The following C11orf65 variants were observed in gnomAD, a reference collection of about 807,000 sequenced individuals.
C11orf65 encodes the protein chromosome 11 open reading frame 65, also known as protein MFI.
Under a neutral mutation model 35.3 loss-of-function variants are expected in C11orf65, and 38 were observed. The ratio of observed to expected loss-of-function variants is 1.08; its 90% CI spans 0.83 to 1.41. The LOEUF (loss-of-function observed/expected upper bound fraction) is 1.41. Among genes scored for constraint, C11orf65 ranks in the 40% most tolerant of loss-of-function variants. The pLI is 0.00. For synonymous variants in C11orf65, 105 were observed against 114.4 expected, an observed-to-expected ratio of 0.92 and a Z score of 0.53; for missense variants, 370 against 367.1, an observed-to-expected ratio of 1.01 and a Z score of -0.06.
In C11orf65 at chr11:108,321,348, A is replaced by G. The variant is rs768155385; in HGVS notation, c.641-12277T>C. The G allele has an allele frequency of 1.9e-6, 3 of 1,614,092 alleles. No homozygotes were observed. Among genetic ancestry groups the G allele is most frequent in the African/African-American group, 1.3e-5 (1 of 74,936 alleles). ...TGTAAGCGCAGCCTTGAGTCTGTGTATTCGCTCTATCCCACACTTAGCAGG... is the reference window on the plus strand; with the variant it reads ...TGTAAGCGCAGCCTTGAGTCTGTGTGTTCGCTCTATCCCACACTTAGCAGG... On this transcript the variant is annotated intron_variant, in intron 6 of 6. Transcript: ENST00000525729.
chr11:108,309,106 G>A, intron 6 of C11orf65: 1 of 1,185,278 alleles, frequency 8.4e-7, no homozygotes, highest in Non-Finnish European at 1.2e-6. Context: ...AGAAAAACGG[G>A]TAAAGACATG....
At chr11:108,325,289 A>C (rs2085544300) in intron 6 of C11orf65, 4 of 1,337,986 alleles carry the variant, frequency 3.0e-6, no homozygotes, top group Non-Finnish European at 4.2e-6. Context: ...GCTTACATGA[A>C]CTCTATGTCG....
At chr11:108,337,535 G>A (rs2086980230) in intron 2 of C11orf65, among the ~76,000 whole-genome samples, 1 of 152,064 alleles carries the variant, frequency 6.6e-6, no homozygotes. Flanking sequence ...GCAAGATTAG[G>A]GTAGAACCTG....
rs186406534 is a variant in C11orf65, at chr11:108,398,468, C to T, written c.561-5090G>A. Among the ~76,000 whole-genome samples the T allele has an allele frequency of 2.0e-3, 301 of 152,264 alleles. 2 individuals are homozygous for T. Among genetic ancestry groups the T allele is most frequent in the African/African-American group, 6.9e-3 (288 of 41,560 alleles). On this transcript the variant is annotated intron_variant, in intron 6 of 8. Transcript: ENST00000393084. ...TTTGTGATGCGGAAGATTAGAAATT[C>T]AGTTTTGGAACTGTTGAGTTTGATA...
Position 108,331,864 on chromosome 11 carries a change from G to T in C11orf65, c.300-297C>A, listed in dbSNP as rs773603597. On this transcript the variant is annotated intron_variant, in intron 3 of 3. Coordinates refer to the C11orf65 transcript ENST00000524755. ...TTTGTTTATTTGCATAAATCTAATA[G>T]TTCTTTTCTTACAGCTAATCTCTAG... 3.4e-5 allele frequency: 55 copies of T among 1,611,980 alleles called. No homozygotes were observed. The highest frequency in any genetic ancestry group is 4.4e-5 in the Non-Finnish European group (52 of 1,178,520).
At chr11:108,451,217 GTC>G (rs1309224833) in intron 2 of C11orf65, among the ~76,000 whole-genome samples, 3 of 151,886 alleles carry the variant, frequency 2.0e-5, no homozygotes, top group Admixed American at 6.6e-5. Flanking sequence ...AAGTCAAATT[GTC>G]TCTGTTTGCA....
downstream of C11orf65, chr11:108,329,171 C>A (rs863224462): frequency 1.9e-6 from 3 of 1,613,898 alleles, no homozygotes; most frequent in African/African-American, 4.0e-5. Flanking sequence ...TGAAAACAAG[C>A]AAGCTCTCCT....
chr11:108,333,770 G>A, intron 3 of C11orf65: 2 of 859,780 alleles, frequency 2.3e-6, no homozygotes, highest in East Asian at 2.4e-5. Flanking sequence ...CTCAATCAGA[G>A]CCTGAACCAC....
At chr11:108,456,131 G>C (rs1258603537) in intron 2 of C11orf65, among the ~76,000 whole-genome samples, 5 of 152,142 alleles carry the variant, frequency 3.3e-5, no homozygotes, top group Non-Finnish European at 7.3e-5. Flanking sequence ...CTCCAGCCTA[G>C]GCAACAGGGT....
At chr11:108,419,574 C>T (rs1201802468) in intron 3 of C11orf65, among the ~76,000 whole-genome samples, 1 of 152,142 alleles carries the variant, frequency 6.6e-6, no homozygotes, top group Admixed American at 6.6e-5. Flanking sequence ...TGGTGGCCCA[C>T]ACCTGTGGTC....
chr11:108,348,317 T>A (rs1292076100), intron 2 of C11orf65, among the ~76,000 whole-genome samples: 2 of 151,576 alleles, frequency 1.3e-5, no homozygotes, highest in Non-Finnish European at 2.9e-5. Context: ...ATGAATTTAG[T>A]TTTGCTCATT....
intron 6 of C11orf65, chr11:108,320,073 C>A: frequency 6.5e-7 from 1 of 1,531,016 alleles, no homozygotes; most frequent in Non-Finnish European, 9.1e-7. Context: ...TATGAAAAGA[C>A]AAAGTTACTG....
At chr11:108,359,600 C>CA (rs2090461345) in intron 2 of C11orf65, among the ~76,000 whole-genome samples, 1 of 152,202 alleles carries the variant, frequency 6.6e-6, no homozygotes, top group Admixed American at 6.5e-5. Flanking sequence ...AACTATCTCT[C>CA]AGACCACAGT....
At chr11:108,418,579 G>T (rs900020116) in intron 3 of C11orf65, among the ~76,000 whole-genome samples, 4 of 151,884 alleles carry the variant, frequency 2.6e-5, no homozygotes, top group African/African-American at 7.3e-5. Flanking sequence ...AATAAATTCA[G>T]CATCCATTTC....
chr11:108,357,259 C>T (rs2090085433), intron 2 of C11orf65, among the ~76,000 whole-genome samples: 4 of 152,222 alleles, frequency 2.6e-5, no homozygotes, highest in South Asian at 2.1e-4. Context: ...CGGCGCACCA[C>T]GAGATTATAT....
intron 2 of C11orf65, among the ~76,000 whole-genome samples, chr11:108,435,813 T>C (rs775730676): frequency 6.6e-6 from 1 of 152,194 alleles, no homozygotes; most frequent in African/African-American, 2.4e-5. Flanking sequence ...TTAATCATAG[T>C]GTGGTAGGCA....
chr11:108,419,370 G>A (rs1370772743), intron 3 of C11orf65, among the ~76,000 whole-genome samples: 1 of 151,988 alleles, frequency 6.6e-6, no homozygotes, highest in African/African-American at 2.4e-5. Context: ...AGCAAAAAAG[G>A]TCTCATAAAA....
chr11:108,325,448 G>A (rs762334460), intron 6 of C11orf65: 2 of 1,613,508 alleles, frequency 1.2e-6, no homozygotes, highest in Non-Finnish European at 1.7e-6. Flanking sequence ...TGATGGAAAA[G>A]GAAATGGACA....
chr11:108,371,813 T>C (rs979779088), intron 2 of C11orf65, among the ~76,000 whole-genome samples: 1 of 152,214 alleles, frequency 6.6e-6, no homozygotes, highest in African/African-American at 2.4e-5. Context: ...CCATACTGTT[T>C]TTCCACAGTG....
Sources: gnomAD v4.1 joint callset for allele counts (sites outside exome capture counted in the v4.1 genomes callset) on GRCh38, gnomAD v4.1.1 for gene constraint, MANE v1.5 for transcripts, NCBI Gene and HGNC (gene_info 2026-07-23, HGNC 2026-07-21) for gene names.